The following ADAM19 variants were observed in gnomAD, a reference collection of about 807,000 sequenced individuals.
ADAM19 encodes disintegrin and metalloproteinase domain-containing protein 19.
A neutral mutation model predicts 114.7 loss-of-function variants in ADAM19; 65 were observed. The ratio of observed to expected loss-of-function variants is 0.57; its 90% CI spans 0.46 to 0.70. The LOEUF (loss-of-function observed/expected upper bound fraction) is 0.70, where lower values mean the gene tolerates loss of function less well. ADAM19 is among the 30% of genes least tolerant of loss of function. The probability of loss-of-function intolerance (pLI) is 0.00; values close to 1 mark genes in which losing one functional copy is unlikely to be tolerated. For missense variants in ADAM19, 1,063 were observed against 1,204.7 expected, an observed-to-expected ratio of 0.88 and a Z score of 1.74; for synonymous variants, 466 against 460.5, an observed-to-expected ratio of 1.01 and a Z score of -0.15.
intron 12 of ADAM19, among the ~76,000 whole-genome samples, chr5:157,502,147 T>C (rs977758025): frequency 6.6e-6 from 1 of 152,212 alleles, no homozygotes; most frequent in African/African-American, 2.4e-5. Context: ...CAAATTGTTA[T>C]GCATGTATAA....
intron 4 of ADAM19, among the ~76,000 whole-genome samples, chr5:157,531,897 C>T (rs1026280593): frequency 1.3e-5 from 2 of 152,138 alleles, no homozygotes; most frequent in African/African-American, 4.8e-5. Context: ...GAAGGATTCT[C>T]TCCAGAGGCT....
chr5:157,524,435 A>G (rs1756396692), intron 5 of ADAM19, among the ~76,000 whole-genome samples: 1 of 152,242 alleles, frequency 6.6e-6, no homozygotes, highest in African/African-American at 2.4e-5. Flanking sequence ...ATTCATGCCT[A>G]ACCCCTGCAT....
chr5:157,479,520 C>A lies in ADAM19; in HGVS notation c.*1429G>T. The A allele has an allele frequency of 1.0e-6, 1 of 985,890 alleles. No homozygotes were observed. The highest frequency in any genetic ancestry group is 4.7e-5 in the South Asian group (1 of 21,294). 61.1% of individuals were successfully genotyped at this position (985,890 alleles called of 1,614,324 possible). A position where few individuals can be genotyped will look rare whatever the true frequency, so the allele number is the denominator to read the frequency against. ...CCAGCAAACATCTCCAGGTGCTTTGCAAAAACCGTCCTATCTAGCAAAGCA... is the reference window on the plus strand; with the variant it reads ...CCAGCAAACATCTCCAGGTGCTTTGAAAAAACCGTCCTATCTAGCAAAGCA... On this transcript the variant is annotated 3_prime_UTR_variant, in exon 23 of 23. Transcript: ENST00000257527.
intron 3 of ADAM19, among the ~76,000 whole-genome samples, chr5:157,560,727 T>C (rs1757488215): frequency 4.6e-5 from 7 of 152,228 alleles, no homozygotes; most frequent in Admixed American, 1.3e-4. Context: ...CTTGTATGCA[T>C]AGAAAAGGTC....
In ADAM19 at chr5:157,538,000, A is replaced by C; in HGVS notation, c.252-9T>G. Reference sequence around the variant, plus strand: ...AAGGAGCAAAAAGTTGCCTGCAAAAAATAAAAAGAGACATTTATATCATAA... The same window carrying C: ...AAGGAGCAAAAAGTTGCCTGCAAAACATAAAAAGAGACATTTATATCATAA... On this transcript the variant is annotated splice_polypyrimidine_tract_variant and intron_variant, in intron 3 of 22. Coordinates refer to ENST00000257527, the MANE Select transcript of ADAM19 (RefSeq NM_033274.5). 1 of 1,610,396 alleles carries C rather than the reference A, an allele frequency of 6.2e-7. No individual in the cohort carries two copies. The highest frequency in any genetic ancestry group is 2.2e-5 in the East Asian group (1 of 44,844).
chr5:157,569,233 GAT>G (rs1757755072), intron 2 of ADAM19: 1 of 124,592 alleles, frequency 8.0e-6, no homozygotes, highest in Non-Finnish European at 1.7e-5. Flanking sequence ...TATTTGTCCT[GAT>G]TTTTTTTTTT....
intron 3 of ADAM19, among the ~76,000 whole-genome samples, chr5:157,557,700 C>T (rs776607481): frequency 1.3e-5 from 2 of 152,116 alleles, no homozygotes; most frequent in South Asian, 4.1e-4. Context: ...GCCCTCTCTC[C>T]GGTTCATAGA....
chr5:157,496,887 G>A lies in ADAM19; in HGVS notation c.1594+7C>T, dbSNP rs750010828. ...GGGGAGAGCCGTGCTCCCCAGGAGA[G>A]CCTTACCGGGTCCCCACAGCTGCTG... On this transcript the variant is annotated splice_region_variant and intron_variant, in intron 14 of 22. Transcript: ENST00000257527. 1.5e-5 allele frequency: 23 copies of A among 1,564,470 alleles called. No homozygotes were observed. The highest frequency in any genetic ancestry group is 2.0e-5 in the Non-Finnish European group (23 of 1,157,614).
In ADAM19 at chr5:157,479,242, C is replaced by T. The variant is rs1754678508; in HGVS notation, c.*1707G>A. On this transcript the variant is annotated 3_prime_UTR_variant, in exon 23 of 23. Transcript: ENST00000257527. Reference sequence around the variant, plus strand: ...AACCCAGGCTTTTCCCCCAGGGGTACATCCCGTATTTTCCACTTATTTCCA... The same window carrying T: ...AACCCAGGCTTTTCCCCCAGGGGTATATCCCGTATTTTCCACTTATTTCCA... The T allele has an allele frequency of 1.0e-6, 1 of 985,874 alleles. No individual in the cohort carries two copies. The highest frequency in any genetic ancestry group is 1.2e-6 in the Non-Finnish European group (1 of 829,950). 61.1% of individuals were successfully genotyped at this position (985,874 alleles called of 1,614,324 possible).
chr5:157,495,225 A>G (rs1008590428), intron 14 of ADAM19, among the ~76,000 whole-genome samples: 9 of 152,016 alleles, frequency 5.9e-5, no homozygotes, highest in Non-Finnish European at 2.9e-5. Flanking sequence ...CTGGTCTTGA[A>G]GTCCTGACCT....
chr5:157,505,008 A>T (rs1469512932), intron 11 of ADAM19, among the ~76,000 whole-genome samples: 1 of 150,844 alleles, frequency 6.6e-6, no homozygotes, highest in Non-Finnish European at 1.5e-5. Flanking sequence ...ATTCCCAGCT[A>T]CTCGGGAGGC....
intron 9 of ADAM19, among the ~76,000 whole-genome samples, chr5:157,508,349 C>T (rs542559260): frequency 1.4e-4 from 22 of 152,216 alleles, no homozygotes; most frequent in Non-Finnish European, 2.9e-4. Context: ...TGGCTCACGC[C>T]TATAATCCCA....
At chr5:157,574,584 G>C (rs777221817) in intron 1 of ADAM19, among the ~76,000 whole-genome samples, 2 of 152,158 alleles carry the variant, frequency 1.3e-5, no homozygotes, top group Non-Finnish European at 2.9e-5. Context: ...ATTTGAAAAC[G>C]CTGACTGTTG....
intron 1 of ADAM19, among the ~76,000 whole-genome samples, chr5:157,574,068 G>T (rs1275771707): frequency 6.6e-6 from 1 of 152,150 alleles, no homozygotes; most frequent in Non-Finnish European, 1.5e-5. Context: ...AAACGCTCAT[G>T]GTGTGAAGTG....
At position 157,570,878 on chromosome 5, in the gene ADAM19, G is replaced by A. The variant is rs370640488; in HGVS notation, c.180+17C>T. On this transcript the variant is annotated intron_variant, in intron 2 of 22. Transcript: ENST00000257527. ...TGTCAACTCCTGCCAGTGTAAATGA[G>A]GTCTTTTGAGTCTTACCTTTTCTCT... is the stretch of plus-strand genomic sequence containing the variant. 1 of 1,610,330 alleles carries A rather than the reference G, an allele frequency of 6.2e-7. No homozygotes were observed. The highest frequency in any genetic ancestry group is 1.3e-5 in the African/African-American group (1 of 74,930).
intron 7 of ADAM19, among the ~76,000 whole-genome samples, chr5:157,516,352 T>C (rs115008450): frequency 6.6e-6 from 1 of 152,308 alleles, no homozygotes; most frequent in African/African-American, 2.4e-5. Flanking sequence ...CACTCTCCTT[T>C]GTAAGAGAAA....
Position 157,496,902 on chromosome 5 carries a change from C to T in ADAM19, c.1586G>A (p.Trp529Ter). The T allele has an allele frequency of 1.3e-6, 2 of 1,578,752 alleles. No individual in the cohort carries two copies. Among genetic ancestry groups the T allele is most frequent in the Non-Finnish European group, 1.7e-6 (2 of 1,164,466 alleles). ...LTYQEQCQQL[W>*]GPGARPAPDL... ...CCCCAGGAGAGCCTTACCGGGTCCC[C>T]ACAGCTGCTGGCACTGCTCCTGGTA... Residue 529 changes from tryptophan to a stop codon, truncating the protein, a stop_gained, in exon 14 of 23, where the codon TGG becomes TAG. Coordinates refer to ENST00000257527, the MANE Select transcript of ADAM19 (RefSeq NM_033274.5). LOFTEE classifies it high-confidence loss of function.
chr5:157,514,330 CTTTT>C (rs918566617), intron 7 of ADAM19, among the ~76,000 whole-genome samples: 2 of 142,762 alleles, frequency 1.4e-5, no homozygotes. Context: ...ACATTTCTTT[CTTTT>C]TTTTTTTTTT....
intron 2 of ADAM19, among the ~76,000 whole-genome samples, chr5:157,569,308 G>A (rs1414614092): frequency 9.7e-5 from 14 of 145,074 alleles, no homozygotes; most frequent in Non-Finnish European, 4.5e-5. Context: ...ATGCTGATGC[G>A]ACTATATCTT....
Sources: gnomAD v4.1 joint callset for allele counts (sites outside exome capture counted in the v4.1 genomes callset) on GRCh38, gnomAD v4.1.1 for gene constraint, MANE v1.5 for transcripts, NCBI Gene and HGNC (gene_info 2026-07-23, HGNC 2026-07-21) for gene names.